The following SHTN1 variants were observed in gnomAD, a reference collection of about 807,000 sequenced individuals.
The protein encoded by SHTN1 is shootin-1.
SHTN1 carries 42 observed loss-of-function variants against 83.1 expected under a neutral mutation model. The ratio of observed to expected loss-of-function variants is 0.51; its 90% CI spans 0.39 to 0.65. The LOEUF (loss-of-function observed/expected upper bound fraction) is 0.65. Among genes scored for constraint, SHTN1 ranks in the 30% least tolerant of loss-of-function variants. The probability of loss-of-function intolerance (pLI) is 0.00; values close to 1 mark genes in which losing one functional copy is unlikely to be tolerated. For synonymous variants in SHTN1, 224 were observed against 247.7 expected (o/e 0.90, Z 0.90); for missense variants, 622 against 737.8 (o/e 0.84, Z 1.82).
intron 1 of SHTN1, among the ~76,000 whole-genome samples, chr10:117,091,740 T>C (rs969219144): frequency 3.9e-5 from 6 of 152,228 alleles, no homozygotes; most frequent in Admixed American, 6.5e-5. Flanking sequence ...ATATGGTCCC[T>C]TGCCCTACTT....
At chr10:117,044,558 G>A (rs533433604) in intron 2 of SHTN1, among the ~76,000 whole-genome samples, 1 of 152,214 alleles carries the variant, frequency 6.6e-6, no homozygotes, top group Non-Finnish European at 1.5e-5. Context: ...AATCTGTGTA[G>A]AGTATTTTCT....
chr10:117,002,640 C>G (rs967573828), intron 1 of SHTN1, among the ~76,000 whole-genome samples: 3 of 152,156 alleles, frequency 2.0e-5, no homozygotes, highest in African/African-American at 7.2e-5. Context: ...CTTCCAAATC[C>G]CTAGCTTCCC....
At chr10:116,908,024 T>C in intron 14 of SHTN1, 1 of 453,960 alleles carries the variant, frequency 2.2e-6, no homozygotes, top group East Asian at 6.9e-5. Flanking sequence ...AAGGTGCTTG[T>C]AAAATCAGAT....
At chr10:116,930,028 CTT>C (rs2133378458) in intron 9 of SHTN1, 26 bp from the exon 10 acceptor site, 1 of 1,435,942 alleles carries the variant, frequency 7.0e-7, no homozygotes, top group Non-Finnish European at 9.4e-7. Flanking sequence ...AAAAAAAAGA[CTT>C]TTATGGCTGA....
At chr10:116,932,427 T>C (rs555527148) in intron 9 of SHTN1, among the ~76,000 whole-genome samples, 1 of 152,310 alleles carries the variant, frequency 6.6e-6, no homozygotes, top group African/African-American at 2.4e-5. Context: ...TAATGCCTGA[T>C]GATCTGAGGT....
In SHTN1 at chr10:117,103,494, T is replaced by TTTTCC. The variant is rs560483972; in HGVS notation, c.-189+22808_-189+22812dup. On this transcript the variant is annotated intron_variant, in intron 1 of 17. Transcript: ENST00000392901. ...ATGGGTCTTGAGAGCTACTCTTTCT[T>TTTTCC]TTTCCTTTCCTTTCCCCTCCCCTCC... is the stretch of plus-strand genomic sequence containing the variant. Among the ~76,000 whole-genome samples the TTTTCC allele has an allele frequency of 3.2e-4, 49 of 151,500 alleles. No individual in the cohort carries two copies. In the East Asian group the frequency reaches 6.4e-3, roughly 20 times the overall value.
chr10:116,900,857 A>G (rs1847704519), intron 16 of SHTN1: 1 of 985,270 alleles, frequency 1.0e-6, no homozygotes, highest in Admixed American at 6.1e-5. Context: ...ATTCCAGAAG[A>G]GAAAAAAAAG....
chr10:116,906,450 T>C (rs532491677), intron 15 of SHTN1, among the ~76,000 whole-genome samples, 177 bp downstream of exon 15: 2 of 152,338 alleles, frequency 1.3e-5, no homozygotes, highest in African/African-American at 2.4e-5. Context: ...AATAAAAATA[T>C]CTAAGAGTTC....
intron 3 of SHTN1, among the ~76,000 whole-genome samples, chr10:116,963,973 GT>G (rs34054568): frequency 1.0e-3 from 146 of 146,186 alleles, no homozygotes; most frequent in African/African-American, 3.4e-3. Flanking sequence ...TAGGGTAACT[GT>G]TTTTTTTTTT....
chr10:116,966,237 T>C (rs901869558), intron 3 of SHTN1, among the ~76,000 whole-genome samples: 10 of 152,158 alleles, frequency 6.6e-5, no homozygotes, highest in African/African-American at 2.4e-4. Flanking sequence ...TTGATCTCCC[T>C]GACCTCATGA....
At chr10:116,999,056 T>C (rs1409442422) in intron 1 of SHTN1, among the ~76,000 whole-genome samples, 1 of 152,144 alleles carries the variant, frequency 6.6e-6, no homozygotes, top group Non-Finnish European at 1.5e-5. Context: ...ATCAAACTCC[T>C]GGGCTCAAGG....
chr10:116,983,670 AG>A (rs879520779), intron 1 of SHTN1, among the ~76,000 whole-genome samples: 22,617 of 109,584 alleles, frequency 0.21, 2,189 homozygotes, highest in Admixed American at 0.33. Context: ...ATAGATAGAT[AG>A]ATAGATAGAT....
At chr10:116,985,224 T>C (rs1375880464) in intron 1 of SHTN1, among the ~76,000 whole-genome samples, 1 of 152,206 alleles carries the variant, frequency 6.6e-6, no homozygotes, top group Non-Finnish European at 1.5e-5. Flanking sequence ...CATGCCTATG[T>C]TGAATAAATG....
chr10:117,104,574 T>G (rs2133633167), intron 1 of SHTN1, among the ~76,000 whole-genome samples: 1 of 152,196 alleles, frequency 6.6e-6, no homozygotes, highest in South Asian at 2.1e-4. Context: ...ATCGAGACCA[T>G]CCTGGCTAAC....
intron 1 of SHTN1, among the ~76,000 whole-genome samples, chr10:117,125,224 A>T (rs1376454057): frequency 6.6e-6 from 1 of 152,210 alleles, no homozygotes; most frequent in African/African-American, 2.4e-5. Flanking sequence ...AATTCAACTT[A>T]GCACTAGAGT....
At chr10:117,008,840 G>A (rs1224863783), upstream of SHTN1, among the ~76,000 whole-genome samples, 2 of 152,228 alleles carry the variant, frequency 1.3e-5, no homozygotes, top group African/African-American at 4.8e-5. Context: ...TTGGCCGGGC[G>A]CTGTGGCTCA....
chr10:117,004,933 G>A, intron 1 of SHTN1, 89 bp downstream of exon 1: 7 of 1,213,220 alleles, frequency 5.8e-6, no homozygotes, highest in Non-Finnish European at 7.9e-6. Flanking sequence ...TCTCCCGCCC[G>A]GCTTCCAACT....
chr10:116,936,303 T>A (rs960991639), intron 9 of SHTN1, among the ~76,000 whole-genome samples: 1 of 152,236 alleles, frequency 6.6e-6, no homozygotes. Flanking sequence ...CCTGTGGGCA[T>A]TTAGTGCTAT....
At chr10:117,000,208 T>TAG (rs1472687436) in intron 1 of SHTN1, among the ~76,000 whole-genome samples, 1 of 152,184 alleles carries the variant, frequency 6.6e-6, no homozygotes, top group African/African-American at 2.4e-5. Context: ...GCTGATCTCA[T>TAG]ATGCACCCAA....
Sources: gnomAD v4.1 joint callset for allele counts (sites outside exome capture counted in the v4.1 genomes callset) on GRCh38, gnomAD v4.1.1 for gene constraint, MANE v1.5 for transcripts, NCBI Gene and HGNC (gene_info 2026-07-23, HGNC 2026-07-21) for gene names.